Variants in FRAS1 observed in about 807,000 individuals in gnomAD.
The protein encoded by FRAS1 is extracellular matrix organizing protein FRAS1.
In FRAS1, 290 loss-of-function variants were observed where a neutral mutation model predicts 435.2. The observed-to-expected ratio is 0.67, with a 90% CI of 0.61 to 0.73. The LOEUF is 0.73. FRAS1 is among the 30% of genes least tolerant of loss of function. FRAS1 has a pLI of 0.00. For missense variants in FRAS1, 4,860 were observed against 5,001.5 expected (o/e 0.97, Z 0.85); for synonymous variants, 1,800 against 1,851.0 (o/e 0.97, Z 0.71).
chr4:78,131,207 T>C (rs958248345), intron 2 of FRAS1, among the ~76,000 whole-genome samples: 1 of 152,200 alleles, frequency 6.6e-6, no homozygotes, highest in Non-Finnish European at 1.5e-5. Flanking sequence ...CACATATGTA[T>C]ATATGCACAT....
chr4:78,098,586 G>T (rs1741946120), intron 2 of FRAS1, among the ~76,000 whole-genome samples: 1 of 152,038 alleles, frequency 6.6e-6, no homozygotes, highest in South Asian at 2.1e-4. Context: ...GATAGATCTT[G>T]ATTCTCTTCA....
At chr4:78,518,354 C>T (rs999013539) in intron 66 of FRAS1, among the ~76,000 whole-genome samples, 1 of 148,746 alleles carries the variant, frequency 6.7e-6, no homozygotes, top group Non-Finnish European at 1.5e-5. Context: ...AAATATAAGT[C>T]CCATAGTATA....
At chr4:78,404,512 C>T (rs746112596) in intron 30 of FRAS1, among the ~76,000 whole-genome samples, 9 of 152,116 alleles carry the variant, frequency 5.9e-5, no homozygotes, top group Non-Finnish European at 1.2e-4. Flanking sequence ...ACAAAGGCAC[C>T]TGTATTCAGC....
chr4:78,401,009 A>C, intron 30 of FRAS1, 122 bp downstream of exon 30: 1 of 806,552 alleles, frequency 1.2e-6, no homozygotes. Context: ...ATACCTTACA[A>C]ATCCCCTTTA....
chr4:78,153,190 A>G (rs1023699912), intron 2 of FRAS1, among the ~76,000 whole-genome samples: 1 of 152,060 alleles, frequency 6.6e-6, no homozygotes. Flanking sequence ...ATAGCCTTCC[A>G]GCCTTCATTC....
chr4:78,244,709 C>T (rs1725153462), intron 3 of FRAS1, among the ~76,000 whole-genome samples: 1 of 152,164 alleles, frequency 6.6e-6, no homozygotes, highest in Admixed American at 6.5e-5. Flanking sequence ...TTCTACTCAG[C>T]TTACCACAGT....
chr4:78,384,533 A>G (rs1321361868), intron 28 of FRAS1, among the ~76,000 whole-genome samples: 2 of 152,202 alleles, frequency 1.3e-5, no homozygotes, highest in Non-Finnish European at 2.9e-5. Flanking sequence ...ATCTGGCTAC[A>G]GAGGCGGTGT....
chr4:78,077,057 A>C (rs1740669871), intron 2 of FRAS1, among the ~76,000 whole-genome samples: 1 of 152,230 alleles, frequency 6.6e-6, no homozygotes, highest in Non-Finnish European at 1.5e-5. Flanking sequence ...TGTATCTTTA[A>C]AACTATGAAC....
chr4:78,310,419 T>C (rs1728969408), intron 15 of FRAS1, among the ~76,000 whole-genome samples: 2 of 152,204 alleles, frequency 1.3e-5, no homozygotes. Flanking sequence ...GAATAGTTAA[T>C]GCGAGACTGG....
At chr4:78,318,231 G>A (rs1486731990) in intron 17 of FRAS1, among the ~76,000 whole-genome samples, 1 of 152,176 alleles carries the variant, frequency 6.6e-6, no homozygotes, top group East Asian at 1.9e-4. Flanking sequence ...GTATTCAAAT[G>A]TGGGCACCAG....
rs1176088962 is a variant in FRAS1 at position 78,353,963 on chromosome 4, C to G, written c.2423-9550C>G. Among the ~76,000 whole-genome samples the G allele has an allele frequency of 3.5e-4, 2 of 5,650 alleles. 1 individual carries two copies. Among genetic ancestry groups the G allele is most frequent in the Non-Finnish European group, 6.7e-4 (2 of 3,004 alleles). 3.7% of individuals were successfully genotyped at this position (5,650 alleles called of 152,430 possible). Reference sequence around the variant, plus strand: ...TGTATACATATGTAACTAACCTGCACAATGTGCACATGTACCCTAAAACTT... The same window carrying G: ...TGTATACATATGTAACTAACCTGCAGAATGTGCACATGTACCCTAAAACTT... On this transcript the variant is annotated intron_variant, in intron 20 of 73. Coordinates refer to ENST00000512123, the MANE Select transcript of FRAS1 (RefSeq NM_025074.7).
chr4:78,170,061 A>G (rs1045985999), intron 2 of FRAS1, among the ~76,000 whole-genome samples: 5 of 152,132 alleles, frequency 3.3e-5, no homozygotes, highest in African/African-American at 1.2e-4. Context: ...ACATGACAAA[A>G]TGTTGCCACA....
intron 22 of FRAS1, among the ~76,000 whole-genome samples, chr4:78,365,327 A>G (rs746989457): frequency 6.6e-6 from 1 of 152,232 alleles, no homozygotes; most frequent in Non-Finnish European, 1.5e-5. Flanking sequence ...CTTTGTGTAT[A>G]TCAACTGTCT....
At chr4:78,307,737 T>G (rs984286267) in intron 14 of FRAS1, among the ~76,000 whole-genome samples, 22 of 152,232 alleles carry the variant, frequency 1.4e-4, no homozygotes, top group African/African-American at 5.1e-4. Context: ...ATGCACCCAC[T>G]GACCTGCGCC....
intron 2 of FRAS1, among the ~76,000 whole-genome samples, chr4:78,113,399 T>C (rs1017253867): frequency 7.9e-5 from 12 of 152,180 alleles, no homozygotes; most frequent in Non-Finnish European, 1.8e-4. Context: ...TGAGGAATCG[T>C]CACACTGACT....
In FRAS1 at chr4:78,499,934, C is replaced by A; in HGVS notation, c.9316+13C>A. ...AAGTTCAGTCCCGGTAATTGAATGCCAACCTCAATCTGTGGGTTTTACTTA... is the reference window on the plus strand; with the variant it reads ...AAGTTCAGTCCCGGTAATTGAATGCAAACCTCAATCTGTGGGTTTTACTTA... On this transcript the variant is annotated intron_variant, in intron 61 of 73. Transcript: ENST00000512123. 1 of 1,509,848 alleles carries A rather than the reference C, an allele frequency of 6.6e-7. No homozygotes were observed. Among genetic ancestry groups the A allele is most frequent in the Non-Finnish European group, 8.9e-7 (1 of 1,118,470 alleles). 93.5% of individuals were successfully genotyped at this position (1,509,848 alleles called of 1,614,324 possible).
chr4:78,438,879 T>G (rs758607669), intron 39 of FRAS1, 23 bp from the exon 40 acceptor site: 1 of 1,587,000 alleles, frequency 6.3e-7, no homozygotes, highest in East Asian at 2.2e-5. Flanking sequence ...CTTATTCATT[T>G]GATTCTTTTT....
intron 61 of FRAS1, among the ~76,000 whole-genome samples, chr4:78,504,732 T>A (rs188563157): frequency 1.3e-5 from 2 of 152,356 alleles, no homozygotes; most frequent in East Asian, 3.9e-4. Context: ...ACATTTAAGG[T>A]TAATATTGTT....
chr4:78,161,768 A>AAAAAAAACAAAAAAAAAAAAAAG (rs1553925507), intron 2 of FRAS1, among the ~76,000 whole-genome samples: 1 of 140,674 alleles, frequency 7.1e-6, no homozygotes, highest in African/African-American at 2.8e-5. Context: ...AAAAAAAAAA[A>AAAAAAAACAAAAAAAAAAAAAAG]AAAAGAAAAG....
Sources: gnomAD v4.1 joint callset for allele counts (sites outside exome capture counted in the v4.1 genomes callset) on GRCh38, gnomAD v4.1.1 for gene constraint, MANE v1.5 for transcripts, NCBI Gene and HGNC (gene_info 2026-07-23, HGNC 2026-07-21) for gene names.